Variants in MARCHF5 observed in about 807,000 individuals in gnomAD.
MARCHF5 encodes membrane associated ring-CH-type finger 5, also known as E3 ubiquitin-protein ligase MARCHF5.
In MARCHF5, 5 loss-of-function variants were observed where a neutral mutation model predicts 36.5. The ratio of observed to expected loss-of-function variants is 0.14; its 90% confidence interval spans 0.07 to 0.29. MARCHF5 has a LOEUF of 0.29. Ranked by LOEUF, MARCHF5 falls within the 10% of genes least tolerant of loss-of-function variation. The pLI is 1.00. For missense variants in MARCHF5, 179 were observed against 336.3 expected, an observed-to-expected ratio of 0.53 and a Z score of 3.66; for synonymous variants, 103 against 109.9, an observed-to-expected ratio of 0.94 and a Z score of 0.39.
At chr10:92,327,652 C>T (rs1054032370) in intron 2 of MARCHF5, among the ~76,000 whole-genome samples, 2 of 152,208 alleles carry the variant, frequency 1.3e-5, no homozygotes, top group African/African-American at 4.8e-5. Context: ...CCTGCTTCCC[C>T]ATTGCCTTTG....
intron 1 of MARCHF5, among the ~76,000 whole-genome samples, chr10:92,305,142 C>G (rs1843058416): frequency 1.3e-5 from 2 of 152,186 alleles, no homozygotes; most frequent in African/African-American, 4.8e-5. Flanking sequence ...GGCACGATGG[C>G]TCACACCGGT....
intron 1 of MARCHF5, among the ~76,000 whole-genome samples, chr10:92,295,765 T>G (rs934265027): frequency 3.3e-5 from 5 of 151,970 alleles, no homozygotes; most frequent in Non-Finnish European, 7.4e-5. Context: ...AATAACTCAC[T>G]TTAGTTTAGC....
Position 92,353,457 on chromosome 10 carries a change from A to C in MARCHF5, c.*2250A>C, listed in dbSNP as rs1484071160. 6.6e-6 allele frequency: 1 copy of C among 152,186 alleles called. No homozygotes were observed. The highest frequency in any genetic ancestry group is 2.4e-5 in the African/African-American group (1 of 41,432). 9.4% of individuals were successfully genotyped at this position (152,186 alleles called of 1,614,324 possible). A position where few individuals can be genotyped will look rare whatever the true frequency, so the allele number is the denominator to read the frequency against. On this transcript the variant is annotated 3_prime_UTR_variant, in exon 6 of 6. Transcript: ENST00000358935. The stretch of plus-strand genomic sequence containing the variant: ...CAAATAATGTTTATCTCAGAAGACT[A>C]TTTCTAGGATTAACTGAGAGATTAA...
At chr10:92,349,644 C>G in intron 4 of MARCHF5, 27 bp from the exon 5 acceptor site, 1 of 1,610,588 alleles carries the variant, frequency 6.2e-7, no homozygotes, top group South Asian at 1.1e-5. Flanking sequence ...TTTATTAGCA[C>G]TAACGCACTG....
chr10:92,307,175 C>CTG (rs376178460), intron 1 of MARCHF5, among the ~76,000 whole-genome samples: 6,182 of 121,742 alleles, frequency 0.051, 172 homozygotes, highest in South Asian at 0.12. Flanking sequence ...AAGAAAACAT[C>CTG]TGTGTGTGTG....
intron 2 of MARCHF5, among the ~76,000 whole-genome samples, chr10:92,317,129 G>A (rs899000859): frequency 2.0e-5 from 3 of 152,064 alleles, no homozygotes; most frequent in Admixed American, 6.6e-5. Context: ...TTTTTGAGAC[G>A]GATCTCGCAC....
At chr10:92,309,893 TTAGC>T (rs1372941166) in intron 1 of MARCHF5, among the ~76,000 whole-genome samples, 4 of 152,148 alleles carry the variant, frequency 2.6e-5, no homozygotes, top group Admixed American at 1.3e-4. Flanking sequence ...CCCAGACAGC[TTAGC>T]TAAAGTGGGT....
intron 2 of MARCHF5, among the ~76,000 whole-genome samples, chr10:92,332,405 C>T (rs1314116001): frequency 1.3e-5 from 2 of 151,666 alleles, no homozygotes; most frequent in African/African-American, 2.4e-5. Context: ...CTTACATAAG[C>T]GACTTTTCTG....
chr10:92,313,265 G>A (rs900282951), intron 2 of MARCHF5, among the ~76,000 whole-genome samples: 1 of 151,558 alleles, frequency 6.6e-6, no homozygotes, highest in African/African-American at 2.4e-5. Context: ...AAACTCTTTG[G>A]TTAAGCCATT....
chr10:92,312,134 A>C (rs1843151772), intron 2 of MARCHF5, among the ~76,000 whole-genome samples: 1 of 152,198 alleles, frequency 6.6e-6, no homozygotes, highest in South Asian at 2.1e-4. Context: ...TCATAAGGAA[A>C]GAATGTCTTT....
At chr10:92,350,039 A>C in intron 5 of MARCHF5, 1 of 534,102 alleles carries the variant, frequency 1.9e-6, no homozygotes, top group African/African-American at 1.9e-5. Context: ...TTTTGGAACT[A>C]TGTTGTAGGT....
intron 3 of MARCHF5, among the ~76,000 whole-genome samples, chr10:92,344,220 G>A (rs1843614035): frequency 6.6e-6 from 1 of 152,136 alleles, no homozygotes; most frequent in African/African-American, 2.4e-5. Flanking sequence ...AAGACAAGAC[G>A]TTCATAAATG....
intron 2 of MARCHF5, among the ~76,000 whole-genome samples, chr10:92,339,498 C>T (rs1389089125): frequency 2.0e-5 from 3 of 151,916 alleles, no homozygotes; most frequent in African/African-American, 7.3e-5. Context: ...GGTGAAACCC[C>T]GTCTCTACTA....
rs1843695600 is a variant in MARCHF5 at position 92,349,661 on chromosome 10, T to A, written c.554-10T>A. The A allele has an allele frequency of 1.2e-6, 2 of 1,611,766 alleles. No individual in the cohort carries two copies. Among genetic ancestry groups the A allele is most frequent in the Non-Finnish European group, 8.5e-7 (1 of 1,179,240 alleles). On this transcript the variant is annotated splice_polypyrimidine_tract_variant and intron_variant, in intron 4 of 5. Coordinates refer to ENST00000358935, the MANE Select transcript of MARCHF5 (RefSeq NM_017824.5). ...TATTAGCACTAACGCACTGCATTTT[T>A]TTCCTCTAGGGATAGGTTGTCCTGT... is the stretch of plus-strand genomic sequence containing the variant.
chr10:92,347,503 TA>T (rs59710112), intron 3 of MARCHF5, among the ~76,000 whole-genome samples: 6,693 of 98,672 alleles, frequency 0.068, 244 homozygotes, highest in Non-Finnish European at 0.081. Context: ...GATAGATAGA[TA>T]GATAGATAGA....
rs1842865210 is a variant in MARCHF5 at position 92,291,561 on chromosome 10, G to T, written c.35+32G>T. 2.6e-6 allele frequency: 4 copies of T among 1,519,934 alleles called. No individual in the cohort carries two copies. In the South Asian group the frequency reaches 4.9e-5, roughly 19 times the overall value. 94.2% of individuals were successfully genotyped at this position (1,519,934 alleles called of 1,614,324 possible). Reference sequence around the variant, plus strand: ...GCAGCTGTGGGGGGGACCGGGAGCCGCCGACCCTCGCTCTGGCCCTGCCCG... The same window carrying T: ...GCAGCTGTGGGGGGGACCGGGAGCCTCCGACCCTCGCTCTGGCCCTGCCCG... On this transcript the variant is annotated intron_variant, in intron 1 of 5. Transcript: ENST00000358935.
At position 92,349,424 on chromosome 10, in the gene MARCHF5, A is replaced by G. The variant is rs956416825; in HGVS notation, c.445A>G (p.Ile149Val). 5 of 1,614,114 alleles carry G rather than the reference A, an allele frequency of 3.1e-6. No homozygotes were observed. The highest frequency in any genetic ancestry group is 2.5e-6 in the Non-Finnish European group (3 of 1,179,976). The change falls in exon 4 of 6, where the codon ATT (isoleucine) becomes GTT (valine). Residue 149 changes from isoleucine (I) to valine (V), a missense_variant. By Grantham distance (29) the Ile-to-Val change is conservative. Transcript: ENST00000358935. The part of the protein sequence containing the change: ...PLFLLIGLPT[I>V]PVMLILGKMI... ...ATTCCTTTTAATTGGACTTCCTACTATTCCTGTCATGCTGATATTAGGCAA... is the reference window on the plus strand; with the variant it reads ...ATTCCTTTTAATTGGACTTCCTACTGTTCCTGTCATGCTGATATTAGGCAA...
intron 2 of MARCHF5, among the ~76,000 whole-genome samples, chr10:92,312,365 T>C (rs997916958): frequency 6.6e-6 from 1 of 152,212 alleles, no homozygotes; most frequent in Non-Finnish European, 1.5e-5. Context: ...AAATGATAGC[T>C]TCCTTTGAAG....
chr10:92,349,324 C>A, intron 3 of MARCHF5, 25 bp from the exon 4 acceptor site: 7 of 1,498,862 alleles, frequency 4.7e-6, no homozygotes, highest in South Asian at 1.4e-5. Context: ...AGAAGTAATT[C>A]TAATATATGC....
Sources: gnomAD v4.1 joint callset for allele counts (sites outside exome capture counted in the v4.1 genomes callset) on GRCh38, gnomAD v4.1.1 for gene constraint, MANE v1.5 for transcripts, NCBI Gene and HGNC (gene_info 2026-07-23, HGNC 2026-07-21) for gene names.